The following PRKG1 variants were observed in gnomAD, a reference collection of about 807,000 sequenced individuals.
The protein encoded by PRKG1 is cGMP-dependent protein kinase 1.
PRKG1 carries 35 observed loss-of-function variants against 88.1 expected under a neutral mutation model. The observed-to-expected ratio is 0.40, with a 90% confidence interval of 0.30 to 0.53. PRKG1 has a LOEUF of 0.53. Ranked by LOEUF, PRKG1 falls within the 20% of genes least tolerant of loss-of-function variation. The probability of loss-of-function intolerance (pLI) is 0.59; values close to 1 mark genes in which losing one functional copy is unlikely to be tolerated. For synonymous variants in PRKG1, 303 were observed against 292.5 expected (o/e 1.04, Z -0.37); for missense variants, 540 against 839.8 (o/e 0.64, Z 4.41).
chr10:52,100,937 G>A (rs1847279577), intron 7 of PRKG1, among the ~76,000 whole-genome samples: 1 of 152,096 alleles, frequency 6.6e-6, no homozygotes, highest in Non-Finnish European at 1.5e-5. Flanking sequence ...TGGTGTTTCT[G>A]CTTTGTTGCC....
chr10:51,780,255 T>A (rs2132561185), intron 3 of PRKG1, among the ~76,000 whole-genome samples: 1 of 151,986 alleles, frequency 6.6e-6, no homozygotes, highest in East Asian at 1.9e-4. Flanking sequence ...GGAGATGAAC[T>A]TTAAGTGTAG....
At chr10:51,545,190 T>G (rs1171644135) in intron 3 of PRKG1, among the ~76,000 whole-genome samples, 15 of 152,098 alleles carry the variant, frequency 9.9e-5, no homozygotes, top group Non-Finnish European at 4.4e-5. Flanking sequence ...GACAATCTAC[T>G]CGAAAAATAA....
chr10:52,101,959 G>A (rs1055289318), intron 7 of PRKG1, among the ~76,000 whole-genome samples: 2 of 152,184 alleles, frequency 1.3e-5, no homozygotes, highest in African/African-American at 4.8e-5. Context: ...TTGTGCAAAT[G>A]AAGTCAAGTT....
At chr10:52,140,066 T>C (rs1471439041) in intron 8 of PRKG1, among the ~76,000 whole-genome samples, 1 of 152,208 alleles carries the variant, frequency 6.6e-6, no homozygotes, top group Non-Finnish European at 1.5e-5. Flanking sequence ...TCAAGAAGTA[T>C]TATTCAGCAT....
intron 3 of PRKG1, among the ~76,000 whole-genome samples, chr10:51,730,822 T>C (rs544789474): frequency 6.6e-6 from 1 of 152,300 alleles, no homozygotes; most frequent in African/African-American, 2.4e-5. Flanking sequence ...ATAACAGATA[T>C]ATGATCAGGA....
chr10:51,040,504 G>C (rs961568849), intron 1 of PRKG1, among the ~76,000 whole-genome samples: 1 of 151,278 alleles, frequency 6.6e-6, no homozygotes, highest in Admixed American at 6.6e-5. Flanking sequence ...ATTTCTAGTA[G>C]AGATGGGGTT....
chr10:51,485,969 C>A (rs1840523878), intron 3 of PRKG1, among the ~76,000 whole-genome samples: 1 of 152,172 alleles, frequency 6.6e-6, no homozygotes, highest in South Asian at 2.1e-4. Flanking sequence ...AGTCTCTTTT[C>A]ATCTCTTCAT....
intron 2 of PRKG1, among the ~76,000 whole-genome samples, chr10:51,366,910 C>A (rs964455725): frequency 3.3e-5 from 5 of 151,788 alleles, no homozygotes; most frequent in African/African-American, 1.2e-4. Flanking sequence ...CCCTTCCGAC[C>A]CCTCCGACCC....
intron 7 of PRKG1, among the ~76,000 whole-genome samples, chr10:52,083,750 G>A (rs1846839255): frequency 6.6e-6 from 1 of 151,978 alleles, no homozygotes; most frequent in South Asian, 2.1e-4. Flanking sequence ...AGAGTTCAAG[G>A]ATGGATGTGA....
At chr10:52,038,490 C>T (rs1375185498) in intron 5 of PRKG1, among the ~76,000 whole-genome samples, 1 of 151,592 alleles carries the variant, frequency 6.6e-6, no homozygotes, top group Non-Finnish European at 1.5e-5. Flanking sequence ...GGGATTGGGG[C>T]ACAGAGATAC....
chr10:51,238,760 CAAAA>C (rs755705869), intron 2 of PRKG1, among the ~76,000 whole-genome samples: 4 of 98,186 alleles, frequency 4.1e-5, no homozygotes, highest in Non-Finnish European at 2.1e-5. Context: ...GACTCTATCT[CAAAA>C]AAAAAAAAAA....
intron 2 of PRKG1, among the ~76,000 whole-genome samples, chr10:51,354,140 G>A (rs1842312479): frequency 6.6e-6 from 1 of 151,996 alleles, no homozygotes; most frequent in Non-Finnish European, 1.5e-5. Flanking sequence ...GGAGAAGGAT[G>A]GTTACAACGC....
At chr10:51,100,255 C>A (rs1564599946) in intron 1 of PRKG1, among the ~76,000 whole-genome samples, 1 of 151,958 alleles carries the variant, frequency 6.6e-6, no homozygotes, top group Admixed American at 6.6e-5. Context: ...AATAGGGAGG[C>A]CTTAGGAAGG....
intron 6 of PRKG1, among the ~76,000 whole-genome samples, chr10:52,056,800 ATTAG>A (rs1204097740): frequency 4.6e-5 from 7 of 152,042 alleles, no homozygotes; most frequent in Admixed American, 3.9e-4. Context: ...TATTAATTAT[ATTAG>A]TTCTAATTCT....
At chr10:51,024,871 C>T (rs1289472203) in intron 1 of PRKG1, among the ~76,000 whole-genome samples, 2 of 152,130 alleles carry the variant, frequency 1.3e-5, no homozygotes, top group Non-Finnish European at 2.9e-5. Flanking sequence ...GATCCAGTCA[C>T]CTCCCACCAG....
At chr10:51,281,063 G>A (rs1840280774) in intron 2 of PRKG1, among the ~76,000 whole-genome samples, 1 of 152,138 alleles carries the variant, frequency 6.6e-6, no homozygotes, top group African/African-American at 2.4e-5. Flanking sequence ...CTTTCTGTTT[G>A]TTAGTTTTCC....
chr10:51,891,333 TCA>T (rs1339024961), intron 4 of PRKG1, among the ~76,000 whole-genome samples: 2 of 152,180 alleles, frequency 1.3e-5, no homozygotes, highest in African/African-American at 4.8e-5. Flanking sequence ...TATCTTTGGA[TCA>T]CACACTTCAA....
chr10:51,467,043 C>T (rs1839924219), intron 2 of PRKG1, among the ~76,000 whole-genome samples: 1 of 151,966 alleles, frequency 6.6e-6, no homozygotes, highest in Non-Finnish European at 1.5e-5. Flanking sequence ...ATTTGTTTTA[C>T]TTGCAGGTAA....
At chr10:51,553,276 C>A (rs1837188289) in intron 3 of PRKG1, among the ~76,000 whole-genome samples, 1 of 151,548 alleles carries the variant, frequency 6.6e-6, no homozygotes, top group African/African-American at 2.4e-5. Flanking sequence ...GTAAATAAAA[C>A]CTTATATTAA....
Sources: gnomAD v4.1 joint callset for allele counts (sites outside exome capture counted in the v4.1 genomes callset) on GRCh38, gnomAD v4.1.1 for gene constraint, MANE v1.5 for transcripts, NCBI Gene and HGNC (gene_info 2026-07-23, HGNC 2026-07-21) for gene names.